PRKD1: variants seen among roughly 807,000 people sequenced by gnomAD.
The protein encoded by PRKD1 is protein kinase D1, also known as serine/threonine-protein kinase D1.
Under a neutral mutation model 95.9 loss-of-function variants are expected in PRKD1, and 63 were observed. The observed-to-expected ratio is 0.66, with a 90% confidence interval of 0.54 to 0.81. The LOEUF is 0.81. Ranked by LOEUF, PRKD1 falls within the 30% of genes least tolerant of loss-of-function variation. PRKD1 has a pLI of 0.00. For missense variants in PRKD1, 1,048 were observed against 1,165.3 expected, an observed-to-expected ratio of 0.90 and a Z score of 1.47; for synonymous variants, 425 against 423.1, an observed-to-expected ratio of 1.00 and a Z score of -0.05.
intron 13 of PRKD1, among the ~76,000 whole-genome samples, chr14:29,604,913 G>A (rs973558311): frequency 2.6e-5 from 4 of 152,142 alleles, no homozygotes; most frequent in African/African-American, 7.2e-5. Context: ...TGACATCAGC[G>A]TCTCTCCACC....
chr14:29,646,445 C>T (rs1881125562), intron 4 of PRKD1, among the ~76,000 whole-genome samples: 1 of 151,810 alleles, frequency 6.6e-6, no homozygotes, highest in African/African-American at 2.4e-5. Flanking sequence ...CCCCATTTAC[C>T]CTGATGTGAC....
At position 29,733,077 on chromosome 14, in the gene PRKD1, C is replaced by CT. The variant is rs1223856901; in HGVS notation, c.265-7404dup. Among the ~76,000 whole-genome samples, 35 of 149,048 alleles carry CT rather than the reference C, an allele frequency of 2.3e-4. 3 individuals carry two copies. The highest frequency in any genetic ancestry group is 1.1e-3 in the South Asian group (5 of 4,650). ...TATGAGTTCACTGATATTTTCTTTT[C>CT]TTTTTTTATTTTTTTAATTTTTATT... is the stretch of plus-strand genomic sequence containing the variant. On this transcript the variant is annotated intron_variant, in intron 1 of 17. Coordinates refer to ENST00000331968, the MANE Select transcript of PRKD1 (RefSeq NM_002742.3).
Position 29,896,347 on chromosome 14 carries a change from TC to T in PRKD1, c.264+30901del, listed in dbSNP as rs571269410. Among the ~76,000 whole-genome samples the T allele has an allele frequency of 1.4e-4, 20 of 145,708 alleles. No individual in the cohort carries two copies. In the East Asian group the frequency reaches 4.0e-3, roughly 29 times the overall value. On this transcript the variant is annotated intron_variant, in intron 1 of 17. Transcript: ENST00000331968. Reference sequence around the variant, plus strand: ...TCCCAATTATAAGGTTTTTAAGGTTTCTACAGGCATGTGTGTGTACACACAC... The same window carrying T: ...TCCCAATTATAAGGTTTTTAAGGTTTTACAGGCATGTGTGTGTACACACAC...
intron 1 of PRKD1, among the ~76,000 whole-genome samples, chr14:29,845,423 T>C (rs1469251981): frequency 6.6e-6 from 1 of 152,212 alleles, no homozygotes; most frequent in Non-Finnish European, 1.5e-5. Flanking sequence ...TATTAGGTTA[T>C]AAAACATACT....
intron 11 of PRKD1, among the ~76,000 whole-genome samples, chr14:29,627,392 T>C (rs1211865): frequency 0.93 from 141,522 of 152,194 alleles, 66,164 homozygotes; most frequent in Non-Finnish European, 0.98. Flanking sequence ...GATGGCAACC[T>C]ATATGAAATT....
chr14:29,659,005 AC>A (rs1474992118), intron 4 of PRKD1, among the ~76,000 whole-genome samples: 1 of 152,188 alleles, frequency 6.6e-6, no homozygotes, highest in Admixed American at 6.5e-5. Context: ...ATTTTAAAAC[AC>A]TTTTACTGAG....
chr14:29,868,408 A>G (rs1048228286), intron 1 of PRKD1, among the ~76,000 whole-genome samples: 2 of 152,204 alleles, frequency 1.3e-5, no homozygotes, highest in Admixed American at 6.5e-5. Context: ...ATTGTTTTAA[A>G]AAGGAGTGTC....
intron 1 of PRKD1, among the ~76,000 whole-genome samples, chr14:29,764,703 A>G (rs1888178615): frequency 6.6e-6 from 1 of 152,146 alleles, no homozygotes; most frequent in African/African-American, 2.4e-5. Context: ...TCTCATGATC[A>G]ATTATATCCT....
chr14:29,910,144 T>C (rs1894652891), intron 1 of PRKD1, among the ~76,000 whole-genome samples: 1 of 152,168 alleles, frequency 6.6e-6, no homozygotes, highest in African/African-American at 2.4e-5. Flanking sequence ...ACTGCCTTTA[T>C]GAGCTGTAAC....
chr14:29,706,339 A>G (rs1305810371), intron 2 of PRKD1, among the ~76,000 whole-genome samples: 4 of 152,100 alleles, frequency 2.6e-5, no homozygotes, highest in African/African-American at 9.7e-5. Flanking sequence ...AATTCAATCC[A>G]TATGCGTTAT....
intron 1 of PRKD1, among the ~76,000 whole-genome samples, chr14:29,774,049 C>T (rs151034641): frequency 2.5e-4 from 38 of 152,282 alleles, no homozygotes; most frequent in African/African-American, 8.7e-4. Flanking sequence ...ATGGGAAATG[C>T]CTCCCAGAAA....
At chr14:29,707,675 C>T (rs897220014) in intron 2 of PRKD1, among the ~76,000 whole-genome samples, 2 of 152,178 alleles carry the variant, frequency 1.3e-5, no homozygotes, top group Non-Finnish European at 2.9e-5. Context: ...CACCTCCAAA[C>T]TAGGGCAGAA....
chr14:29,726,959 C>T (rs533698252), intron 1 of PRKD1, among the ~76,000 whole-genome samples: 281 of 152,182 alleles, frequency 1.8e-3, no homozygotes, highest in Non-Finnish European at 3.1e-3. Flanking sequence ...TTCTAGATCC[C>T]TGAGGAATCG....
chr14:29,683,585 C>T (rs1372241559), intron 2 of PRKD1, among the ~76,000 whole-genome samples: 1 of 151,752 alleles, frequency 6.6e-6, no homozygotes, highest in Non-Finnish European at 1.5e-5. Flanking sequence ...ACGTAAAGAG[C>T]CATAAAAGAG....
rs1883990844 is a variant in PRKD1 at position 29,688,142 on chromosome 14, T to A, written c.404-21934A>T. ...TTTGCATTTCTTGGCTCATGGCACA[T>A]TCCTCCTTGGAAGCCAAAAACGTTA... On this transcript the variant is annotated intron_variant, in intron 2 of 17. Transcript: ENST00000331968. Among the ~76,000 whole-genome samples, 3 of 152,188 alleles carry A rather than the reference T, an allele frequency of 2.0e-5. No individual in the cohort carries two copies. The South Asian group carries it at 6.2e-4, about 32-fold the overall frequency.
At chr14:29,684,462 C>T (rs748152679) in intron 2 of PRKD1, among the ~76,000 whole-genome samples, 2 of 152,190 alleles carry the variant, frequency 1.3e-5, no homozygotes, top group Non-Finnish European at 2.9e-5. Flanking sequence ...AACTAAATAG[C>T]TATCTCCTTC....
chr14:29,884,360 A>G (rs1893620472), intron 1 of PRKD1, among the ~76,000 whole-genome samples: 1 of 152,212 alleles, frequency 6.6e-6, no homozygotes, highest in South Asian at 2.1e-4. Context: ...AATGTATACT[A>G]ATGTATTAAT....
chr14:29,611,097 C>G (rs1234208875), intron 13 of PRKD1, among the ~76,000 whole-genome samples: 3 of 152,070 alleles, frequency 2.0e-5, no homozygotes, highest in Non-Finnish European at 4.4e-5. Context: ...TTGTCCAAAC[C>G]CATGGAATAT....
At chr14:29,669,387 G>C (rs1209868781) in intron 2 of PRKD1, among the ~76,000 whole-genome samples, 1 of 152,146 alleles carries the variant, frequency 6.6e-6, no homozygotes, top group Non-Finnish European at 1.5e-5. Flanking sequence ...ACATTGAATT[G>C]ATTAGTTCGT....
Sources: gnomAD v4.1 joint callset for allele counts (sites outside exome capture counted in the v4.1 genomes callset) on GRCh38, gnomAD v4.1.1 for gene constraint, MANE v1.5 for transcripts, NCBI Gene and HGNC (gene_info 2026-07-23, HGNC 2026-07-21) for gene names.